Variants in COL25A1 observed in about 807,000 individuals in gnomAD.
COL25A1 encodes collagen type XXV alpha 1 chain, also known as collagen alpha-1(XXV) chain.
COL25A1 carries 103 observed loss-of-function variants against 128.4 expected under a neutral mutation model. That is an observed-to-expected ratio of 0.80 (90% CI 0.68 to 0.94). COL25A1 has a LOEUF of 0.94. COL25A1 is among the 40% of genes least tolerant of loss of function. COL25A1 has a pLI of 0.00. For missense variants in COL25A1, 745 were observed against 840.0 expected (o/e 0.89, Z 1.40); for synonymous variants, 279 against 277.2 (o/e 1.01, Z -0.06).
intron 19 of COL25A1, 30 bp from the exon 20 acceptor site, chr4:108,869,180 A>C: frequency 1.9e-6 from 2 of 1,054,356 alleles, no homozygotes; most frequent in Non-Finnish European, 2.7e-6. Context: ...TGAGATCATT[A>C]ATCATTTGAC....
chr4:109,008,620 T>A (rs1292318188), intron 6 of COL25A1, among the ~76,000 whole-genome samples: 1 of 152,146 alleles, frequency 6.6e-6, no homozygotes, highest in East Asian at 1.9e-4. Context: ...TCTCACCACC[T>A]TCTTTCAAGG....
intron 3 of COL25A1, among the ~76,000 whole-genome samples, chr4:109,260,343 T>G (rs1442333498): frequency 6.6e-6 from 1 of 152,110 alleles, no homozygotes; most frequent in East Asian, 1.9e-4. Context: ...TTGGGTACAA[T>G]GGGGAAGGAG....
At chr4:108,912,033 C>T (rs1484454690) in intron 13 of COL25A1, among the ~76,000 whole-genome samples, 1 of 152,038 alleles carries the variant, frequency 6.6e-6, no homozygotes, top group Non-Finnish European at 1.5e-5. Flanking sequence ...CAGGAAAAAA[C>T]TTCCTTCAAC....
chr4:108,868,931 G>A (rs960619391), intron 20 of COL25A1, among the ~76,000 whole-genome samples, 157 bp downstream of exon 20: 18 of 132,250 alleles, frequency 1.4e-4, no homozygotes, highest in African/African-American at 4.8e-4. Flanking sequence ...AAGAAAAGAA[G>A]GAAGGAAAGA....
intron 3 of COL25A1, among the ~76,000 whole-genome samples, chr4:109,129,232 C>T (rs866233491): frequency 2.6e-5 from 4 of 151,896 alleles, no homozygotes; most frequent in Non-Finnish European, 4.4e-5. Context: ...CAGGTTCAAG[C>T]GATTCTCCTG....
chr4:108,836,201 A>T (rs1372675707), intron 31 of COL25A1, among the ~76,000 whole-genome samples: 1 of 152,106 alleles, frequency 6.6e-6, no homozygotes, highest in African/African-American at 2.4e-5. Context: ...AATAATTACA[A>T]TAAAAATATA....
At chr4:108,851,321 G>A (rs1356666132) in intron 26 of COL25A1, among the ~76,000 whole-genome samples, 1 of 151,936 alleles carries the variant, frequency 6.6e-6, no homozygotes, top group Non-Finnish European at 1.5e-5. Flanking sequence ...AAATATATAG[G>A]CAAGGAGCTC....
chr4:109,199,444 C>G (rs566706175), intron 3 of COL25A1, among the ~76,000 whole-genome samples: 1 of 151,890 alleles, frequency 6.6e-6, no homozygotes, highest in South Asian at 2.1e-4. Flanking sequence ...CGTGCCCAGT[C>G]AAAATTGGAA....
intron 3 of COL25A1, among the ~76,000 whole-genome samples, chr4:109,187,174 TTG>T (rs1202725210): frequency 4.0e-5 from 6 of 151,240 alleles, no homozygotes; most frequent in South Asian, 2.1e-4. Flanking sequence ...GAGTCGTGTT[TTG>T]TGTGTGTGTA....
chr4:108,984,912 T>A (rs1322025208), intron 6 of COL25A1, among the ~76,000 whole-genome samples: 1 of 152,184 alleles, frequency 6.6e-6, no homozygotes, highest in Admixed American at 6.5e-5. Context: ...TGCTGTCACC[T>A]CTCAGTATGT....
intron 3 of COL25A1, among the ~76,000 whole-genome samples, chr4:109,262,633 G>A (rs1169936271): frequency 6.6e-6 from 1 of 152,158 alleles, no homozygotes; most frequent in African/African-American, 2.4e-5. Context: ...ATCGGTAAAA[G>A]TTATTAATTT....
intron 3 of COL25A1, among the ~76,000 whole-genome samples, chr4:109,256,626 T>C (rs182660150): frequency 3.3e-5 from 5 of 152,294 alleles, no homozygotes; most frequent in African/African-American, 1.2e-4. Flanking sequence ...CAGTGTTTGG[T>C]TGACATAATG....
rs111515872 is a variant in COL25A1, at chr4:109,048,068, T to C, written c.420+100A>G. On this transcript the variant is annotated intron_variant, in intron 5 of 37. Coordinates refer to ENST00000399132, the MANE Select transcript of COL25A1 (RefSeq NM_198721.4). ...ACTCTTAAAAGGTCAGTAACATTTTTCTAATAGACATAGAGACTATATTTT... is the reference window on the plus strand; with the variant it reads ...ACTCTTAAAAGGTCAGTAACATTTTCCTAATAGACATAGAGACTATATTTT... The C allele has an allele frequency of 1.4e-3, 1,881 of 1,328,150 alleles. 20 individuals carry two copies. The African/African-American group carries it at 0.022, about 16-fold the overall frequency. The allele number at this position is 1,328,150 out of a possible 1,614,324, so 82.3% of individuals were successfully genotyped here. A position where few individuals can be genotyped will look rare whatever the true frequency, so the allele number is the denominator to read the frequency against.
At chr4:109,049,367 T>A (rs1387910737) in intron 4 of COL25A1, among the ~76,000 whole-genome samples, 4 of 152,228 alleles carry the variant, frequency 2.6e-5, no homozygotes, top group Admixed American at 2.6e-4. Flanking sequence ...AGTGAACTCA[T>A]TTATACAGAT....
At chr4:108,921,507 T>C (rs907194496) in intron 11 of COL25A1, among the ~76,000 whole-genome samples, 6 of 152,210 alleles carry the variant, frequency 3.9e-5, no homozygotes, top group African/African-American at 1.2e-4. Context: ...TGTTAAAAGT[T>C]CTTTATTCCA....
At chr4:108,859,579 C>T in intron 24 of COL25A1, 77 bp downstream of exon 24, 1 of 1,200,848 alleles carries the variant, frequency 8.3e-7, no homozygotes, top group African/African-American at 1.5e-5. Context: ...GGTGTGGAAG[C>T]TCATATTTGC....
intron 10 of COL25A1, among the ~76,000 whole-genome samples, chr4:108,938,652 C>A (rs985589861): frequency 6.6e-6 from 1 of 152,086 alleles, no homozygotes; most frequent in African/African-American, 2.4e-5. Context: ...GTCAGGAGAT[C>A]GAGACCATCT....
At chr4:109,086,746 A>C (rs1764422500) in intron 3 of COL25A1, among the ~76,000 whole-genome samples, 3 of 151,662 alleles carry the variant, frequency 2.0e-5, no homozygotes, top group African/African-American at 7.3e-5. Context: ...TTCAATTAAA[A>C]CTCTGGCTAA....
Position 109,279,565 on chromosome 4 carries a change from G to A in COL25A1, c.367+21018C>T, listed in dbSNP as rs190135604. Among the ~76,000 whole-genome samples, 205 of 152,234 alleles carry A rather than the reference G, an allele frequency of 1.3e-3. 2 individuals are homozygous for A. The highest frequency in any genetic ancestry group is 4.7e-3 in the African/African-American group (194 of 41,540). On this transcript the variant is annotated intron_variant, in intron 3 of 37. Transcript: ENST00000399132. ...CACTCCAGCTTGGGCGACACAGCAAGACCCTGTCTCAATCAATCAATTAAA... is the reference window on the plus strand; with the variant it reads ...CACTCCAGCTTGGGCGACACAGCAAAACCCTGTCTCAATCAATCAATTAAA...
Sources: allele counts gnomAD v4.1 joint callset (sites outside exome capture counted in the v4.1 genomes callset), GRCh38; gene constraint gnomAD v4.1.1; transcripts MANE v1.5; gene names NCBI Gene and HGNC (gene_info 2026-07-23, HGNC 2026-07-21).